The following CCSER1 variants were observed in gnomAD, a reference collection of about 807,000 sequenced individuals.
CCSER1 encodes coiled-coil serine rich protein 1, also known as serine-rich coiled-coil domain-containing protein 1.
CCSER1 carries 41 observed loss-of-function variants against 82.0 expected under a neutral mutation model. The observed-to-expected ratio is 0.50, with a 90% confidence interval of 0.39 to 0.65. CCSER1 has a LOEUF of 0.65. Among genes scored for constraint, CCSER1 ranks in the 30% least tolerant of loss-of-function variants. The pLI is 0.00. For synonymous variants in CCSER1, 414 were observed against 383.9 expected (o/e 1.08, Z -0.92); for missense variants, 1,119 against 1,064.2 (o/e 1.05, Z -0.72).
At chr4:90,290,608 G>C (rs12640670) in intron 1 of CCSER1, among the ~76,000 whole-genome samples, 1 of 151,800 alleles carries the variant, frequency 6.6e-6, no homozygotes, top group African/African-American at 2.4e-5. Flanking sequence ...GAAATCTGTA[G>C]GACGGTACAA....
intron 10 of CCSER1, among the ~76,000 whole-genome samples, chr4:91,430,158 A>T (rs563135815): frequency 6.6e-6 from 1 of 152,162 alleles, no homozygotes; most frequent in Non-Finnish European, 1.5e-5. Flanking sequence ...TGTTCAGAAC[A>T]TAAGTATTTT....
At chr4:90,340,301 TA>T (rs1741160776) in intron 3 of CCSER1, among the ~76,000 whole-genome samples, 1 of 152,158 alleles carries the variant, frequency 6.6e-6, no homozygotes, top group South Asian at 2.1e-4. Flanking sequence ...ATATCTATTC[TA>T]AAGCGTTGAT....
At chr4:91,465,822 A>C (rs1756864969) in intron 10 of CCSER1, among the ~76,000 whole-genome samples, 2 of 152,308 alleles carry the variant, frequency 1.3e-5, no homozygotes, top group African/African-American at 4.8e-5. Flanking sequence ...GAATCCCTGA[A>C]TATACCACTA....
At chr4:91,096,109 A>G (rs189041151) in intron 10 of CCSER1, among the ~76,000 whole-genome samples, 4 of 152,340 alleles carry the variant, frequency 2.6e-5, no homozygotes, top group African/African-American at 9.6e-5. Flanking sequence ...GTGAAAGGGT[A>G]ATATAAAAAG....
At chr4:91,045,469 T>C (rs1475704532) in intron 9 of CCSER1, among the ~76,000 whole-genome samples, 1 of 138,302 alleles carries the variant, frequency 7.2e-6, no homozygotes, top group African/African-American at 2.5e-5. Flanking sequence ...CAATTCTTCA[T>C]TATCCCTTAA....
chr4:91,130,186 A>G (rs1727877827), intron 10 of CCSER1: 1 of 152,074 alleles, frequency 6.6e-6, no homozygotes, highest in South Asian at 2.1e-4. Flanking sequence ...ATCAGACCCT[A>G]TGTCAGCAGA....
chr4:90,463,163 T>C (rs942911574), intron 4 of CCSER1, among the ~76,000 whole-genome samples: 1 of 152,188 alleles, frequency 6.6e-6, no homozygotes, highest in Non-Finnish European at 1.5e-5. Context: ...CAAAATACAG[T>C]CTTAAATAAT....
rs188428564 is a variant in CCSER1 at position 90,617,204 on chromosome 4, G to A, written c.1725-10821G>A. 2.6e-5 allele frequency among the ~76,000 whole-genome samples: 4 copies of A among 152,220 alleles called. No individual in the cohort carries two copies. In the East Asian group the frequency reaches 5.8e-4, roughly 22 times the overall value. ...ATTATTTGGTGGAGGTATGTCTTAG[G>A]AATGGAACTTGATTTTATTGGGGGG... On this transcript the variant is annotated intron_variant, in intron 5 of 10. Coordinates refer to ENST00000509176, the MANE Select transcript of CCSER1 (RefSeq NM_001145065.2).
intron 10 of CCSER1, among the ~76,000 whole-genome samples, chr4:91,335,266 A>G (rs1368033180): frequency 6.6e-6 from 1 of 152,016 alleles, no homozygotes; most frequent in East Asian, 1.9e-4. Flanking sequence ...TCCTACCCCA[A>G]TCCCCAGTGA....
chr4:90,701,080 T>A (rs899418194), intron 6 of CCSER1, among the ~76,000 whole-genome samples: 1 of 152,180 alleles, frequency 6.6e-6, no homozygotes, highest in African/African-American at 2.4e-5. Flanking sequence ...CTGAATGGTA[T>A]TGCCTAGGTT....
chr4:91,008,385 T>C (rs188514574), intron 9 of CCSER1, among the ~76,000 whole-genome samples: 6 of 152,346 alleles, frequency 3.9e-5, no homozygotes, highest in African/African-American at 1.4e-4. Flanking sequence ...GGTGCTTCAA[T>C]GTTGAGAGCA....
intron 10 of CCSER1, among the ~76,000 whole-genome samples, chr4:91,255,808 C>T (rs3897866): frequency 0.31 from 46,748 of 152,036 alleles, 7,311 homozygotes; most frequent in South Asian, 0.41. Flanking sequence ...CTATGCCTGT[C>T]TTTACTTTAA....
chr4:90,645,081 TAA>T (rs70963077), intron 6 of CCSER1, among the ~76,000 whole-genome samples: 265 of 131,222 alleles, frequency 2.0e-3, no homozygotes, highest in African/African-American at 5.8e-3. Context: ...AAACTCCGTC[TAA>T]AAAAAAAAAA....
intron 8 of CCSER1, among the ~76,000 whole-genome samples, chr4:90,875,833 A>C (rs1458219345): frequency 6.6e-6 from 1 of 152,164 alleles, no homozygotes; most frequent in East Asian, 1.9e-4. Context: ...TTTCTTTGAG[A>C]ATATTAAAAA....
chr4:91,498,362 CA>C (rs1359499777), intron 10 of CCSER1, among the ~76,000 whole-genome samples: 1 of 151,794 alleles, frequency 6.6e-6, no homozygotes, highest in Non-Finnish European at 1.5e-5. Flanking sequence ...TATTTCCTAA[CA>C]TTTTTCCCTT....
intron 1 of CCSER1, among the ~76,000 whole-genome samples, chr4:90,279,652 G>T (rs1294550952): frequency 1.3e-5 from 2 of 151,940 alleles, no homozygotes; most frequent in Non-Finnish European, 2.9e-5. Flanking sequence ...CTAGGACATA[G>T]CAGGATATAC....
chr4:90,326,543 A>G (rs894766951), intron 3 of CCSER1, among the ~76,000 whole-genome samples: 1 of 152,120 alleles, frequency 6.6e-6, no homozygotes, highest in Non-Finnish European at 1.5e-5. Flanking sequence ...ACTACCTACT[A>G]ATTCTTTTAA....
At chr4:90,238,027 C>A (rs537559987) in intron 1 of CCSER1, among the ~76,000 whole-genome samples, 2 of 152,104 alleles carry the variant, frequency 1.3e-5, no homozygotes, top group Non-Finnish European at 2.9e-5. Flanking sequence ...TTTATCCGAG[C>A]CTTCAACAGC....
intron 1 of CCSER1, among the ~76,000 whole-genome samples, chr4:90,231,579 T>A (rs894997107): frequency 2.1e-5 from 3 of 141,488 alleles, no homozygotes; most frequent in Admixed American, 7.0e-5. Flanking sequence ...GGATGCCCTC[T>A]CTCACGACTC....
Sources: allele counts gnomAD v4.1 joint callset (sites outside exome capture counted in the v4.1 genomes callset), GRCh38; gene constraint gnomAD v4.1.1; transcripts MANE v1.5; gene names NCBI Gene and HGNC (gene_info 2026-07-23, HGNC 2026-07-21).